Variants in TXNRD2 observed in about 807,000 individuals in gnomAD.
TXNRD2 encodes thioredoxin reductase 2.
A neutral mutation model predicts 70.8 loss-of-function variants in TXNRD2; 67 were observed. That is an observed-to-expected ratio of 0.95 (90% CI 0.78 to 1.16). The LOEUF (loss-of-function observed/expected upper bound fraction) is 1.16, where lower values mean the gene tolerates loss of function less well. Ranked by LOEUF, TXNRD2 falls within the 50% of genes most tolerant of loss-of-function variation. The pLI is 0.00. For missense variants in TXNRD2, 644 were observed against 719.9 expected (o/e 0.89, Z 1.21); for synonymous variants, 301 against 295.8 (o/e 1.02, Z -0.18).
At position 19,877,157 on chromosome 22, in the gene TXNRD2, C is replaced by A. The variant is rs201391000; in HGVS notation, c.1523G>T (p.Arg508Leu). ...PTCSEEVVKL[R>L]ISKRSGLDPT... is the part of the protein sequence containing the mutation. ...GTCCAGGCCTGAGCGCTTGGAGATGCGCAGCTTGACTACCTCCTCAGAGCA... is the reference window on the plus strand; with the variant it reads ...GTCCAGGCCTGAGCGCTTGGAGATGAGCAGCTTGACTACCTCCTCAGAGCA... The change falls in exon 17 of 18, where the codon CGC becomes CTC. Residue 508 changes from arginine to leucine, a missense_variant. Physicochemically the swap from Arg to Leu is moderately radical, Grantham distance 102. Around this residue, in one of 3 missense-constraint regions of TXNRD2, gnomAD observed 566 missense variants for 645.0 expected, o/e 0.88. Coordinates refer to ENST00000400521, the MANE Select transcript of TXNRD2 (RefSeq NM_006440.5). 1 of 1,609,874 alleles carries A rather than the reference C, an allele frequency of 6.2e-7. No individual in the cohort carries two copies. Among genetic ancestry groups the A allele is most frequent in the Non-Finnish European group, 8.5e-7 (1 of 1,177,418 alleles).
At chr22:19,924,760 A>G (rs1213431540) in intron 2 of TXNRD2, among the ~76,000 whole-genome samples, 2 of 152,234 alleles carry the variant, frequency 1.3e-5, no homozygotes, top group Non-Finnish European at 2.9e-5. Context: ...TAATGAAAAG[A>G]GCATCAGTAG....
At chr22:19,933,993 CAG>C (rs151191491) in intron 1 of TXNRD2, among the ~76,000 whole-genome samples, 3,280 of 152,312 alleles carry the variant, frequency 0.022, 47 homozygotes, top group Middle Eastern at 0.034. Context: ...AGCAGGAGCC[CAG>C]AGCTCATAGC....
chr22:19,918,708 TGTCTGAGGCAGACA>T, intron 4 of TXNRD2, 138 bp downstream of exon 4: 1 of 949,514 alleles, frequency 1.1e-6, no homozygotes, highest in Non-Finnish European at 1.6e-6. Flanking sequence ...CATTCCCAAA[TGTCTGAGGCAGACA>T]GCGCAGAGTC....
At chr22:19,890,275 C>T (rs796834173) in intron 11 of TXNRD2, among the ~76,000 whole-genome samples, 5 of 152,262 alleles carry the variant, frequency 3.3e-5, no homozygotes, top group African/African-American at 9.6e-5. Flanking sequence ...TCATCTTGGC[C>T]CCACTTCAAA....
At chr22:19,900,321 G>A (rs35646899) in intron 8 of TXNRD2, among the ~76,000 whole-genome samples, 28,085 of 152,014 alleles carry the variant, frequency 0.18, 3,239 homozygotes, top group African/African-American at 0.32. Context: ...ACCACGGTAT[G>A]CACGCACTTC....
At position 19,876,221 on chromosome 22, in the gene TXNRD2, C is replaced by A. The variant is rs138100666; in HGVS notation, c.*66-414G>T. On this transcript the variant is annotated intron_variant, in intron 17 of 17. Transcript: ENST00000400521. ...CTGTCCACAGGCATCTTGGGGGGAG[C>A]CCACTGCTCTGCCTGGTCTCCACCT... 6.0e-3 allele frequency: 913 copies of A among 152,336 alleles called. 3 individuals carry two copies. Among genetic ancestry groups the A allele is most frequent in the Middle Eastern group, 0.01 (3 of 294 alleles). The allele number at this position is 152,336 out of a possible 1,614,324, so 9.4% of individuals were successfully genotyped here.
intron 2 of TXNRD2, among the ~76,000 whole-genome samples, chr22:19,924,348 A>T (rs1941037755): frequency 6.6e-6 from 1 of 152,012 alleles, no homozygotes; most frequent in African/African-American, 2.4e-5. Flanking sequence ...TCTCCCGCCC[A>T]CAAGCAGATT....
At chr22:19,927,842 C>T (rs934630915) in intron 2 of TXNRD2, among the ~76,000 whole-genome samples, 1 of 152,044 alleles carries the variant, frequency 6.6e-6, no homozygotes, top group African/African-American at 2.4e-5. Flanking sequence ...AGCGGGAGTT[C>T]CTGAACCCAG....
At chr22:19,936,450 G>C (rs1941542597) in intron 1 of TXNRD2, among the ~76,000 whole-genome samples, 1 of 152,080 alleles carries the variant, frequency 6.6e-6, no homozygotes, top group African/African-American at 2.4e-5. Flanking sequence ...CCCCAACTCA[G>C]ACAGCCCAGG....
At chr22:19,925,152 CAT>C (rs1362725651) in intron 2 of TXNRD2, among the ~76,000 whole-genome samples, 2 of 151,742 alleles carry the variant, frequency 1.3e-5, no homozygotes, top group African/African-American at 4.9e-5. Flanking sequence ...GGCATGGTGG[CAT>C]GCGCCTGTAG....
chr22:19,909,627 TCACACACCACTCACATA>T lies in TXNRD2; in HGVS notation c.662+1733_662+1749del, dbSNP rs1486362846. 1.5e-3 allele frequency among the ~76,000 whole-genome samples: 98 copies of T among 64,272 alleles called. 1 individual carries two copies. Among genetic ancestry groups the T allele is most frequent in the African/African-American group, 2.4e-3 (38 of 15,662 alleles). 42.2% of individuals were successfully genotyped at this position (64,272 alleles called of 152,430 possible). ...CACACACACACACCACACACACCAC[TCACACACCACTCACATA>T]CACACACCATTCACACACACACCAC... On this transcript the variant is annotated intron_variant, in intron 8 of 17. Coordinates refer to ENST00000400521, the MANE Select transcript of TXNRD2 (RefSeq NM_006440.5).
At chr22:19,940,035 A>C (rs530684989) in intron 1 of TXNRD2, among the ~76,000 whole-genome samples, 2 of 152,172 alleles carry the variant, frequency 1.3e-5, no homozygotes. Flanking sequence ...TGAGGTCAGG[A>C]GATTGAGACC....
chr22:19,932,407 T>A (rs899873323), intron 1 of TXNRD2: 2 of 1,612,676 alleles, frequency 1.2e-6, no homozygotes, highest in Non-Finnish European at 1.7e-6. Flanking sequence ...TCAGCCTTTT[T>A]AGCCTGCAAA....
chr22:19,886,058 G>A (rs1244564111), intron 11 of TXNRD2, among the ~76,000 whole-genome samples: 2 of 152,354 alleles, frequency 1.3e-5, no homozygotes, highest in East Asian at 1.9e-4. Context: ...ATGGCCAGGG[G>A]AGAGTGGGCT....
At chr22:19,893,734 G>A (rs1047070084) in intron 11 of TXNRD2, among the ~76,000 whole-genome samples, 8 of 152,302 alleles carry the variant, frequency 5.3e-5, no homozygotes, top group East Asian at 1.9e-4. Context: ...GCCAGCCCAC[G>A]CCTGGCCGGG....
chr22:19,898,036 T>C lies in TXNRD2; in HGVS notation c.774+3A>G, dbSNP rs749704080. The C allele has an allele frequency of 9.0e-6, 14 of 1,553,076 alleles. No homozygotes were observed. The highest frequency in any genetic ancestry group is 1.1e-5 in the Non-Finnish European group (13 of 1,149,010). ...GGGCGGGAGCTGGGGCCTCCAGCAC[T>C]ACCTGGTCGAAGCCGCGGAGGGGGA... is the stretch of plus-strand genomic sequence containing the variant. On this transcript the variant is annotated splice_donor_region_variant and intron_variant, in intron 10 of 17. Transcript: ENST00000400521.
At chr22:19,927,541 C>T (rs1941192575) in intron 2 of TXNRD2, among the ~76,000 whole-genome samples, 1 of 151,062 alleles carries the variant, frequency 6.6e-6, no homozygotes, top group Non-Finnish European at 1.5e-5. Context: ...GTGGTCCCAG[C>T]CACTCGGGAG....
chr22:19,932,413 G>GCAAAAGGTGT, intron 1 of TXNRD2: 4 of 1,612,582 alleles, frequency 2.5e-6, no homozygotes, highest in Non-Finnish European at 3.4e-6. Context: ...TTTTTAGCCT[G>GCAAAAGGTGT]CAAAAGGTGT....
At chr22:19,894,546 T>C (rs1394403774) in intron 11 of TXNRD2, 3 of 154,104 alleles carry the variant, frequency 1.9e-5, no homozygotes, top group African/African-American at 4.8e-5. Context: ...GGAAGATTGA[T>C]TGAGCCTGGG....
Sources: allele counts gnomAD v4.1 joint callset (sites outside exome capture counted in the v4.1 genomes callset), GRCh38; gene constraint gnomAD v4.1.1; regional missense constraint gnomAD v4.1.1; transcripts MANE v1.5; gene names NCBI Gene and HGNC (gene_info 2026-07-23, HGNC 2026-07-21).